SKI: variants seen among roughly 807,000 people sequenced by gnomAD.
The protein encoded by SKI is SKI proto-oncogene, also known as ski oncogene.
In SKI, 23 loss-of-function variants were observed where a neutral mutation model predicts 59.3. The ratio of observed to expected loss-of-function variants is 0.39; its 90% confidence interval spans 0.28 to 0.55. The LOEUF (loss-of-function observed/expected upper bound fraction) is 0.55. Ranked by LOEUF, SKI falls within the 20% of genes least tolerant of loss-of-function variation. The probability of loss-of-function intolerance (pLI) is 0.67; values close to 1 mark genes in which losing one functional copy is unlikely to be tolerated. For synonymous variants in SKI, 673 were observed against 488.6 expected (o/e 1.38, Z -4.98); for missense variants, 1,017 against 1,038.9 (o/e 0.98, Z 0.29).
intron 1 of SKI, among the ~76,000 whole-genome samples, chr1:2,231,950 T>G (rs1248285075): frequency 6.6e-6 from 1 of 152,228 alleles, no homozygotes; most frequent in Non-Finnish European, 1.5e-5. Context: ...CAGGGTCCCC[T>G]TAAGTCTCCT....
At chr1:2,237,768 G>A (rs1638783395) in intron 1 of SKI, among the ~76,000 whole-genome samples, 1 of 152,242 alleles carries the variant, frequency 6.6e-6, no homozygotes, top group South Asian at 2.1e-4. Context: ...TTGCCCTGTT[G>A]AGGGAACGTG....
chr1:2,239,121 G>A (rs774000062), intron 1 of SKI, among the ~76,000 whole-genome samples: 1 of 152,264 alleles, frequency 6.6e-6, no homozygotes, highest in Non-Finnish European at 1.5e-5. Flanking sequence ...CAAGTTGAAT[G>A]ATATGCAAAT....
chr1:2,273,911 A>T (rs1639684444), intron 1 of SKI, among the ~76,000 whole-genome samples: 1 of 151,650 alleles, frequency 6.6e-6, no homozygotes, highest in Admixed American at 6.6e-5. Flanking sequence ...CCACCCTCTC[A>T]CTCACTGCCC....
At chr1:2,280,149 A>T (rs1639840025) in intron 1 of SKI, among the ~76,000 whole-genome samples, 1 of 151,668 alleles carries the variant, frequency 6.6e-6, no homozygotes, top group South Asian at 2.1e-4. Flanking sequence ...GCGGGTGGCT[A>T]ATGAGGTCAG....
At chr1:2,247,389 C>T (rs993490007) in intron 1 of SKI, among the ~76,000 whole-genome samples, 2 of 152,232 alleles carry the variant, frequency 1.3e-5, no homozygotes, top group Admixed American at 6.5e-5. Context: ...CTGTTTGCAG[C>T]GTGCTTCTCC....
At chr1:2,241,547 C>T (rs994259400) in intron 1 of SKI, among the ~76,000 whole-genome samples, 13 of 152,244 alleles carry the variant, frequency 8.5e-5, no homozygotes, top group South Asian at 8.3e-4. Context: ...TGCCCGCCAC[C>T]GTGCCCGGCT....
Position 2,306,759 on chromosome 1 carries a change from G to GCCGTAGATT in SKI, c.2186_*7dup. 3 of 1,516,946 alleles carry GCCGTAGATT rather than the reference G, an allele frequency of 2.0e-6. No individual in the cohort carries two copies. Among genetic ancestry groups the GCCGTAGATT allele is most frequent in the Non-Finnish European group, 2.6e-6 (3 of 1,136,018 alleles). The allele number at this position is 1,516,946 out of a possible 1,614,324, so 94.0% of individuals were successfully genotyped here. Reference sequence around the variant, plus strand: ...GCAGCGAGGGCGCTGCGGAGCTGGAGCCGTAGATTCCGTGCCTGCCGCCGC... The same window carrying GCCGTAGATT: ...GCAGCGAGGGCGCTGCGGAGCTGGAGCCGTAGATTCCGTAGATTCCGTGCCTGCCGCCGC... On this transcript the variant is annotated stop_gained and inframe_insertion, in exon 7 of 7. Coordinates refer to ENST00000378536, the MANE Select transcript of SKI (RefSeq NM_003036.4). LOFTEE classifies it high-confidence loss of function.
At chr1:2,240,288 C>T (rs904476722) in intron 1 of SKI, among the ~76,000 whole-genome samples, 1 of 152,186 alleles carries the variant, frequency 6.6e-6, no homozygotes, top group Non-Finnish European at 1.5e-5. Flanking sequence ...GGTGGGAAGC[C>T]ACCGGCAGAG....
Position 2,303,340 on chromosome 1 carries a change from C to G in SKI, c.1151C>G (p.Pro384Arg), listed in dbSNP as rs759239521. 6.2e-7 allele frequency: 1 copy of G among 1,613,910 alleles called. No individual in the cohort carries two copies. Among genetic ancestry groups the G allele is most frequent in the Non-Finnish European group, 8.5e-7 (1 of 1,180,036 alleles). ...QRLSAFRPWS[P>R]AVSASEKELS... ...CTCTCTGCTTTCCGACCCTGGTCCC[C>G]CGCAGTGTCAGCGAGTGAGAAAGAG... Residue 384 changes from proline to arginine, a missense_variant, in exon 3 of 7, where the codon CCC (proline) becomes CGC (arginine). Pro to Arg is a moderately radical substitution (Grantham distance 103). Coordinates refer to ENST00000378536, the MANE Select transcript of SKI (RefSeq NM_003036.4). This position sits in a 1 kb window ranked among gnomAD's most constrained non-coding sequence, Gnocchi z 5.6.
Position 2,244,782 on chromosome 1 carries a change from A to G in SKI, c.969+15047A>G, listed in dbSNP as rs78723517. Among the ~76,000 whole-genome samples the G allele has an allele frequency of 5.1e-3, 777 of 152,360 alleles. 11 individuals are homozygous for G. Among genetic ancestry groups the G allele is most frequent in the African/African-American group, 0.018 (744 of 41,584 alleles). On this transcript the variant is annotated intron_variant, in intron 1 of 6. Transcript: ENST00000378536. ...AAACATAATGTTGACCATTACATGT[A>G]GCATTCAGCAGTGTTGAACACATAG...
intron 1 of SKI, among the ~76,000 whole-genome samples, chr1:2,230,674 C>A (rs958155805): frequency 6.6e-6 from 1 of 152,178 alleles, no homozygotes; most frequent in Non-Finnish European, 1.5e-5. Flanking sequence ...TCAGTGGGGT[C>A]CTCAGGAACT....
At chr1:2,263,511 A>T (rs1211427391) in intron 1 of SKI, among the ~76,000 whole-genome samples, 1 of 150,438 alleles carries the variant, frequency 6.6e-6, no homozygotes, top group Non-Finnish European at 1.5e-5. Context: ...TGCTGGGATT[A>T]CAGGCGTGAG....
intron 1 of SKI, among the ~76,000 whole-genome samples, chr1:2,230,348 G>C (rs1261607406): frequency 2.0e-5 from 3 of 152,154 alleles, no homozygotes; most frequent in Admixed American, 2.0e-4. Context: ...GCAGGGGCCC[G>C]AGACTTGGCG....
chr1:2,229,990 C>T lies in SKI; in HGVS notation c.969+255C>T, dbSNP rs1357641120. ...GTGGCGGTGGGGTGGGGGGCCAGGC[C>T]TGGTGTGTGGGGAAGGCCCGCAGGC... On this transcript the variant is annotated intron_variant, in intron 1 of 6. Coordinates refer to ENST00000378536, the MANE Select transcript of SKI (RefSeq NM_003036.4). The surrounding 1 kb of genome is among the most constrained non-coding windows in gnomAD (Gnocchi z 6.3). 3.9e-5 allele frequency among the ~76,000 whole-genome samples: 6 copies of T among 152,186 alleles called. No homozygotes were observed. The highest frequency in any genetic ancestry group is 1.4e-4 in the African/African-American group (6 of 41,454).
intron 1 of SKI, among the ~76,000 whole-genome samples, chr1:2,283,434 G>A (rs1639959716): frequency 6.6e-6 from 1 of 152,216 alleles, no homozygotes; most frequent in African/African-American, 2.4e-5. Context: ...TTTGAGGACA[G>A]AGTCTTGGAG....
chr1:2,249,913 GTT>G (rs879591645), intron 1 of SKI, among the ~76,000 whole-genome samples: 1 of 148,312 alleles, frequency 6.7e-6, no homozygotes, highest in African/African-American at 2.5e-5. Context: ...TTTGGCCACA[GTT>G]TTTTTTTTTG....
At chr1:2,245,065 T>C (rs1021073059) in intron 1 of SKI, among the ~76,000 whole-genome samples, 3 of 152,250 alleles carry the variant, frequency 2.0e-5, no homozygotes, top group African/African-American at 4.8e-5. Context: ...GGCTCAGCCT[T>C]TGTCCCCATG....
At chr1:2,230,871 C>T (rs764262689) in intron 1 of SKI, among the ~76,000 whole-genome samples, 3 of 152,168 alleles carry the variant, frequency 2.0e-5, no homozygotes, top group African/African-American at 4.8e-5. Context: ...CTCTGGGCGC[C>T]CCTCCAGCAG....
Position 2,303,479 on chromosome 1 carries a change from T to G in SKI, c.1211+79T>G. On this transcript the variant is annotated intron_variant, in intron 3 of 6. Transcript: ENST00000378536. This position sits in a 1 kb window ranked among gnomAD's most constrained non-coding sequence, Gnocchi z 5.6. ...GCTGTGCATGCGGACGCGCCCATGT[T>G]TCTGCAGGCTGGGTGCCCAGACCTG... The G allele has an allele frequency of 7.6e-7, 1 of 1,309,932 alleles. No homozygotes were observed. The highest frequency in any genetic ancestry group is 2.3e-5 in the East Asian group (1 of 43,180). 81.1% of individuals were successfully genotyped at this position (1,309,932 alleles called of 1,614,324 possible).
Sources: allele counts gnomAD v4.1 joint callset (sites outside exome capture counted in the v4.1 genomes callset), GRCh38; gene constraint gnomAD v4.1.1; non-coding constraint Gnocchi (gnomAD v3.1); transcripts MANE v1.5; gene names NCBI Gene and HGNC (gene_info 2026-07-23, HGNC 2026-07-21).